Variants in DCAF17 observed in about 807,000 individuals in gnomAD.
The protein encoded by DCAF17 is DDB1 and CUL4 associated factor 17.
A neutral mutation model predicts 66.0 loss-of-function variants in DCAF17; 48 were observed. That is an observed-to-expected ratio of 0.73 (90% CI 0.58 to 0.92). The LOEUF (loss-of-function observed/expected upper bound fraction) is 0.92, where lower values mean the gene tolerates loss of function less well. Ranked by LOEUF, DCAF17 falls within the 40% of genes least tolerant of loss-of-function variation. The pLI is 0.00. For synonymous variants in DCAF17, 206 were observed against 214.6 expected (o/e 0.96, Z 0.35); for missense variants, 562 against 622.8 (o/e 0.90, Z 1.04).
chr2:171,466,977 A>AT (rs1421288577), intron 8 of DCAF17, among the ~76,000 whole-genome samples: 1 of 151,776 alleles, frequency 6.6e-6, no homozygotes, highest in Non-Finnish European at 1.5e-5. Context: ...GGGTGTTTAT[A>AT]TTTTTTATTG....
rs775629782 is a variant in DCAF17, at chr2:171,447,525, T to C, written c.322-1156T>C. ...ATAGGCAAGCACCGCAACGCCCAGC[T>C]AATTTTTGTATTTTTTTTAGTAGAG... On this transcript the variant is annotated intron_variant, in intron 3 of 13. Transcript: ENST00000375255. 5.2e-5 allele frequency: 9 copies of C among 173,140 alleles called. No homozygotes were observed. In the South Asian group the frequency reaches 8.2e-4, roughly 16 times the overall value. 10.7% of individuals were successfully genotyped at this position (173,140 alleles called of 1,614,324 possible). A position where few individuals can be genotyped will look rare whatever the true frequency, so the allele number is the denominator to read the frequency against.
At chr2:171,450,132 A>G (rs1694863721) in intron 5 of DCAF17, 175 bp downstream of exon 5, 2 of 560,554 alleles carry the variant, frequency 3.6e-6, no homozygotes, top group South Asian at 2.0e-5. Flanking sequence ...TAACTAAGAA[A>G]TGGAAAACCA....
At chr2:171,436,926 C>G (rs1478764859) in intron 2 of DCAF17, among the ~76,000 whole-genome samples, 1 of 152,028 alleles carries the variant, frequency 6.6e-6, no homozygotes, top group African/African-American at 2.4e-5. Context: ...AGGCATGCGC[C>G]ACCACGCCTG....
intron 3 of DCAF17, among the ~76,000 whole-genome samples, chr2:171,444,258 C>A (rs528802776): frequency 1.6e-4 from 25 of 152,042 alleles, no homozygotes; most frequent in Non-Finnish European, 2.5e-4. Context: ...GATTATCAAG[C>A]CATTTCCCCA....
chr2:171,449,791 AAT>A (rs1694842716), intron 4 of DCAF17, 86 bp from the exon 5 acceptor site: 1 of 829,190 alleles, frequency 1.2e-6, no homozygotes, highest in Non-Finnish European at 1.8e-6. Context: ...ATAACTAAAA[AAT>A]AGTTTACTTA....
chr2:171,477,908 C>G, intron 11 of DCAF17, 79 bp from the exon 12 acceptor site: 1 of 1,278,254 alleles, frequency 7.8e-7, no homozygotes. Context: ...TAAGTTTTAC[C>G]AAATTTGTTA....
rs74620944 is a variant in DCAF17, at chr2:171,443,033, TA to T, written c.231-479del. ...ACCTTTCTGAAAAGTAATTTGGGAG[TA>T]AAAAAAAAAACCATAAAGGGTTTTT... On this transcript the variant is annotated intron_variant, in intron 2 of 13. Coordinates refer to ENST00000375255, the MANE Select transcript of DCAF17 (RefSeq NM_025000.4). 3.4e-3 allele frequency: 494 copies of T among 145,622 alleles called. 5 individuals are homozygous for T. The highest frequency in any genetic ancestry group is 0.011 in the African/African-American group (438 of 39,854). 9.0% of individuals were successfully genotyped at this position (145,622 alleles called of 1,614,324 possible). A position where few individuals can be genotyped will look rare whatever the true frequency, so the allele number is the denominator to read the frequency against.
At chr2:171,459,714 G>T (rs766009927) in intron 8 of DCAF17, among the ~76,000 whole-genome samples, 5 of 151,860 alleles carry the variant, frequency 3.3e-5, no homozygotes, top group Non-Finnish European at 7.4e-5. Context: ...TTGTTCAAAA[G>T]GAAAAAAATA....
intron 9 of DCAF17, among the ~76,000 whole-genome samples, chr2:171,471,288 AT>A (rs1696230295): frequency 6.6e-6 from 1 of 152,244 alleles, no homozygotes; most frequent in Non-Finnish European, 1.5e-5. Flanking sequence ...ACTAAAAAAA[AT>A]GTAAGCAGCC....
intron 7 of DCAF17, 105 bp downstream of exon 7, chr2:171,458,180 A>C: frequency 8.5e-7 from 1 of 1,178,646 alleles, no homozygotes; most frequent in Non-Finnish European, 1.2e-6. Flanking sequence ...ACTTCTGTAG[A>C]TTTTGGCTCT....
At chr2:171,464,698 A>G (rs554760110) in intron 8 of DCAF17, among the ~76,000 whole-genome samples, 7 of 152,298 alleles carry the variant, frequency 4.6e-5, no homozygotes, top group African/African-American at 1.4e-4. Flanking sequence ...CTTTACTTTT[A>G]GGTCCTTTAA....
intron 3 of DCAF17, among the ~76,000 whole-genome samples, chr2:171,445,957 A>G (rs967161138): frequency 2.0e-5 from 3 of 152,184 alleles, no homozygotes; most frequent in Non-Finnish European, 2.9e-5. Flanking sequence ...TGCTGGGATT[A>G]TAAGTGTGAG....
intron 2 of DCAF17, among the ~76,000 whole-genome samples, chr2:171,442,254 G>A (rs898041420): frequency 1.3e-5 from 2 of 152,098 alleles, no homozygotes; most frequent in African/African-American, 4.8e-5. Context: ...TAATTTCAAA[G>A]TTCATTTAAA....
At chr2:171,434,965 A>G in intron 1 of DCAF17, 118 bp from the exon 2 acceptor site, 2 of 1,022,244 alleles carry the variant, frequency 2.0e-6, no homozygotes, top group South Asian at 3.0e-5. Context: ...GGCAGAGTGG[A>G]GGAAGGATGC....
Position 171,484,736 on chromosome 2 carries a change from T to C in DCAF17, c.*3622T>C, listed in dbSNP as rs1271147360. ...CTTCAGAAAGTTTCCTAAATCCCTC[T>C]CCCAGTCTATCCCCTCCCCACCCCT... On this transcript the variant is annotated 3_prime_UTR_variant, in exon 14 of 14. Coordinates refer to ENST00000375255, the MANE Select transcript of DCAF17 (RefSeq NM_025000.4). The C allele has an allele frequency of 6.6e-6, 3 of 453,966 alleles. No homozygotes were observed. The highest frequency in any genetic ancestry group is 2.4e-5 in the Admixed American group (1 of 42,552). 28.1% of individuals were successfully genotyped at this position (453,966 alleles called of 1,614,324 possible). A position where few individuals can be genotyped will look rare whatever the true frequency, so the allele number is the denominator to read the frequency against.
intron 2 of DCAF17, 118 bp downstream of exon 2, chr2:171,435,304 C>G: frequency 6.5e-6 from 5 of 766,914 alleles, no homozygotes; most frequent in Non-Finnish European, 1.1e-5. Flanking sequence ...AAAATGGGTC[C>G]GAAATAAGAC....
At chr2:171,467,136 T>A (rs1481814209) in intron 8 of DCAF17, among the ~76,000 whole-genome samples, 2 of 152,160 alleles carry the variant, frequency 1.3e-5, no homozygotes, top group Non-Finnish European at 2.9e-5. Flanking sequence ...GTTGACCCTT[T>A]ACACAGGTTT....
rs73976165 is a variant in DCAF17, at chr2:171,473,615, T to C, written c.982-251T>C. 0.015 allele frequency among the ~76,000 whole-genome samples: 2,239 copies of C among 144,792 alleles called. 56 individuals carry two copies. The highest frequency in any genetic ancestry group is 0.048 in the African/African-American group (1,938 of 40,030). 95.0% of individuals were successfully genotyped at this position (144,792 alleles called of 152,430 possible). A position where few individuals can be genotyped will look rare whatever the true frequency, so the allele number is the denominator to read the frequency against. ...TAGATGCTTGAGATATGGTATCTCT[T>C]GGGTTATTAACTCCTGTTTGTGAGA... On this transcript the variant is annotated intron_variant, in intron 9 of 13. Transcript: ENST00000375255.
chr2:171,450,211 A>G (rs1044610284), intron 5 of DCAF17: 5 of 409,124 alleles, frequency 1.2e-5, no homozygotes, highest in South Asian at 4.5e-5. Flanking sequence ...GAATGATACA[A>G]TTTACTCTGG....
Sources: allele counts gnomAD v4.1 joint callset (sites outside exome capture counted in the v4.1 genomes callset), GRCh38; gene constraint gnomAD v4.1.1; transcripts MANE v1.5; gene names NCBI Gene and HGNC (gene_info 2026-07-23, HGNC 2026-07-21).